SARDH: variants seen among roughly 807,000 people sequenced by gnomAD.
The protein encoded by SARDH is sarcosine dehydrogenase, mitochondrial.
In SARDH, 95 loss-of-function variants were observed where a neutral mutation model predicts 109.1. The ratio of observed to expected loss-of-function variants is 0.87; its 90% confidence interval spans 0.74 to 1.03. The LOEUF (loss-of-function observed/expected upper bound fraction) is 1.03. Ranked by LOEUF, SARDH falls within the 50% of genes least tolerant of loss-of-function variation. The probability of loss-of-function intolerance (pLI) is 0.00; values close to 1 mark genes in which losing one functional copy is unlikely to be tolerated. For missense variants in SARDH, 1,267 were observed against 1,287.8 expected (o/e 0.98, Z 0.25); for synonymous variants, 572 against 534.8 (o/e 1.07, Z -0.96).
intron 17 of SARDH, among the ~76,000 whole-genome samples, chr9:133,681,551 G>A (rs559707394): frequency 3.4e-4 from 52 of 152,332 alleles, no homozygotes; most frequent in African/African-American, 1.2e-3. Context: ...ATCGAGGGAA[G>A]GAGCCACATC....
rs1465915616 is a variant in SARDH at position 133,690,538 on chromosome 9, G to C, written c.1922-11C>G. 1.3e-6 allele frequency: 2 copies of C among 1,592,762 alleles called. No individual in the cohort carries two copies. Among genetic ancestry groups the C allele is most frequent in the East Asian group, 4.5e-5 (2 of 44,510 alleles). On this transcript the variant is annotated splice_polypyrimidine_tract_variant and intron_variant, in intron 15 of 20. Coordinates refer to ENST00000439388, the MANE Select transcript of SARDH (RefSeq NM_001134707.2). Reference sequence around the variant, plus strand: ...GGTAGTAACCGTCCCCTGGAAGAGAGGCACCTGGACTTAGAGCAGGATTTC... The same window carrying C: ...GGTAGTAACCGTCCCCTGGAAGAGACGCACCTGGACTTAGAGCAGGATTTC...
At chr9:133,721,825 C>A (rs1832336160) in intron 6 of SARDH, among the ~76,000 whole-genome samples, 1 of 152,162 alleles carries the variant, frequency 6.6e-6, no homozygotes, top group Non-Finnish European at 1.5e-5. Context: ...AGATGATACA[C>A]CATGGCCAGA....
rs980464186 is a variant in SARDH, at chr9:133,733,829, C to A, written c.331+14G>T. 2.8e-6 allele frequency: 4 copies of A among 1,447,828 alleles called. No homozygotes were observed. The highest frequency in any genetic ancestry group is 1.5e-5 in the South Asian group (1 of 67,528). 89.7% of individuals were successfully genotyped at this position (1,447,828 alleles called of 1,614,324 possible). A position where few individuals can be genotyped will look rare whatever the true frequency, so the allele number is the denominator to read the frequency against. Reference sequence around the variant, plus strand: ...CCTATCCTTCCCTGCCCCTACCTGGCCCCCGGTCCCTACCTGCCGTGTGCC... The same window carrying A: ...CCTATCCTTCCCTGCCCCTACCTGGACCCCGGTCCCTACCTGCCGTGTGCC... On this transcript the variant is annotated intron_variant, in intron 2 of 20. Transcript: ENST00000439388.
chr9:133,698,733 C>T (rs757949628), intron 13 of SARDH, among the ~76,000 whole-genome samples: 4 of 152,158 alleles, frequency 2.6e-5, no homozygotes, highest in Non-Finnish European at 5.9e-5. Flanking sequence ...TGCAAAAGAA[C>T]GTGGCTGGAC....
At chr9:133,660,436 G>A (rs1588357609), downstream of SARDH, among the ~76,000 whole-genome samples, 2 of 152,282 alleles carry the variant, frequency 1.3e-5, no homozygotes, top group African/African-American at 2.4e-5. Flanking sequence ...GGACCCTTGT[G>A]GGGGATTTTA....
At chr9:133,680,289 G>A (rs1830651995) in intron 17 of SARDH, among the ~76,000 whole-genome samples, 1 of 151,602 alleles carries the variant, frequency 6.6e-6, no homozygotes, top group Admixed American at 6.6e-5. Flanking sequence ...GCTCCACCGA[G>A]CCTTGGGTAA....
Position 133,717,333 on chromosome 9 carries a change from G to A in SARDH, c.1143C>T (p.Cys381=), listed in dbSNP as rs542738343. 7.4e-6 allele frequency: 12 copies of A among 1,613,770 alleles called. No individual in the cohort carries two copies. The highest frequency in any genetic ancestry group is 1.6e-4 in the Middle Eastern group (1 of 6,080). The change falls in exon 8 of 21, where the codon TGC becomes TGT. Residue 381 remains cysteine, a synonymous_variant. Coordinates refer to ENST00000439388, the MANE Select transcript of SARDH (RefSeq NM_001134707.2). ...LEKTGIKSTV[C]GPESFTPDHK... ...TCCGAGGCTGTCACTCACCAGGGCC[G>A]CAGACCGTGGACTTGATTCCTGTCT...
At chr9:133,701,594 C>T (rs1304726319) in intron 13 of SARDH, among the ~76,000 whole-genome samples, 4 of 152,252 alleles carry the variant, frequency 2.6e-5, no homozygotes, top group Non-Finnish European at 5.9e-5. Flanking sequence ...CGAGCTCCCA[C>T]ATCCTCGAGG....
At chr9:133,677,669 G>C (rs1311087462) in intron 17 of SARDH, among the ~76,000 whole-genome samples, 1 of 152,232 alleles carries the variant, frequency 6.6e-6, no homozygotes, top group Non-Finnish European at 1.5e-5. Flanking sequence ...CGTGGACCCT[G>C]CTGGGAACAG....
chr9:133,703,336 A>C, intron 12 of SARDH: 1 of 418,276 alleles, frequency 2.4e-6, no homozygotes, highest in Non-Finnish European at 4.4e-6. Flanking sequence ...GTTACCCAGG[A>C]CCTCAGCCAG....
chr9:133,711,446 T>G (rs1831914751), intron 10 of SARDH, among the ~76,000 whole-genome samples: 1 of 152,158 alleles, frequency 6.6e-6, no homozygotes, highest in African/African-American at 2.4e-5. Flanking sequence ...TTGAAGTCCT[T>G]TACAGTTTTA....
chr9:133,663,906 C>A lies in SARDH; in HGVS notation c.2740G>T (p.Val914Leu). ...KSPFDPNNKRVKGIY is the reference protein window; with the variant it reads ...KSPFDPNNKRLKGIY ...CTGAGCCCTCAGTAGATTCCCTTCA[C>A]CCTCTTGTTGTTGGGGTCGAAGGGC... is the stretch of plus-strand genomic sequence containing the variant. Residue 914 changes from valine (V) to leucine (L), a missense_variant, in exon 21 of 21, where the codon GTG (valine) becomes TTG (leucine). Coordinates refer to ENST00000439388, the MANE Select transcript of SARDH (RefSeq NM_001134707.2). 1.9e-6 allele frequency: 3 copies of A among 1,614,154 alleles called. No individual in the cohort carries two copies. The highest frequency in any genetic ancestry group is 2.5e-6 in the Non-Finnish European group (3 of 1,180,024).
intron 6 of SARDH, among the ~76,000 whole-genome samples, chr9:133,724,192 A>C (rs1026745031): frequency 6.6e-6 from 1 of 152,228 alleles, no homozygotes; most frequent in Non-Finnish European, 1.5e-5. Flanking sequence ...GGGGAAAAAA[A>C]GAAAGGGAAA....
chr9:133,706,504 A>G (rs1267307737), intron 11 of SARDH, among the ~76,000 whole-genome samples: 1 of 152,186 alleles, frequency 6.6e-6, no homozygotes, highest in Non-Finnish European at 1.5e-5. Context: ...TGGGGTGATG[A>G]GAATGTTCTG....
chr9:133,673,251 G>A (rs909190997), intron 17 of SARDH, among the ~76,000 whole-genome samples: 4 of 152,250 alleles, frequency 2.6e-5, no homozygotes, highest in African/African-American at 9.6e-5. Flanking sequence ...TGCGTGGCAC[G>A]TCCACACCCA....
intron 16 of SARDH, among the ~76,000 whole-genome samples, chr9:133,685,739 G>A (rs1035649747): frequency 3.9e-5 from 6 of 152,104 alleles, no homozygotes; most frequent in East Asian, 1.9e-4. Context: ...GCCACGGCCC[G>A]AGAGAGGAGC....
chr9:133,661,421 C>G (rs1270295000), downstream of SARDH, among the ~76,000 whole-genome samples: 1 of 151,834 alleles, frequency 6.6e-6, no homozygotes, highest in African/African-American at 2.4e-5. Context: ...TCACATGGCC[C>G]AAGGCTGTCT....
chr9:133,724,149 G>A (rs1165287719), intron 6 of SARDH, among the ~76,000 whole-genome samples: 5 of 151,988 alleles, frequency 3.3e-5, no homozygotes, highest in Admixed American at 1.3e-4. Context: ...CCATAAAAAA[G>A]CGAAAAGGCT....
At chr9:133,737,057 G>A (rs2131526920) in intron 1 of SARDH, among the ~76,000 whole-genome samples, 1 of 152,298 alleles carries the variant, frequency 6.6e-6, no homozygotes, top group East Asian at 1.9e-4. Flanking sequence ...GCCTCCATGT[G>A]GCAGTGCCAG....
Sources: gnomAD v4.1 joint callset for allele counts (sites outside exome capture counted in the v4.1 genomes callset) on GRCh38, gnomAD v4.1.1 for gene constraint, MANE v1.5 for transcripts, NCBI Gene and HGNC (gene_info 2026-07-23, HGNC 2026-07-21) for gene names.